The following XNDC1N variants were observed in gnomAD, a reference collection of about 807,000 sequenced individuals.
XNDC1N encodes the protein XRCC1 N-terminal domain containing 1, N-terminal like.
the XNDC1N span, chr11:71,914,370 T>C: frequency 4.4e-6 from 2 of 455,980 alleles, no homozygotes; most frequent in African/African-American, 4.0e-5. Flanking sequence ...TGGAGGAAAT[T>C]AACTGCAGAT....
the XNDC1N span, among the ~76,000 whole-genome samples, chr11:71,876,536 C>T: frequency 4.4e-4 from 67 of 152,148 alleles, no homozygotes; most frequent in Admixed American, 2.1e-3. Flanking sequence ...TCCAAGCCTG[C>T]CTCCTGGCTC....
At chr11:71,919,604 GGTTTTTTTTTTTGTTT>G in the XNDC1N span, among the ~76,000 whole-genome samples, 106,114 of 135,116 alleles carry the variant, frequency 0.79, 44,251 homozygotes, top group Non-Finnish European at 0.94. Context: ...TGGCCAGGTT[GGTTTTTTTTTTTGTTT>G]GTTTTTTTTT....
the XNDC1N span, among the ~76,000 whole-genome samples, chr11:71,913,665 T>TAAAAAAAAAAAAA: frequency 1.9e-4 from 20 of 105,332 alleles, no homozygotes; most frequent in East Asian, 2.7e-4. Context: ...TCTCAAAAGA[T>TAAAAAAAAAAAAA]AAAAAAAAAA....
At chr11:71,928,582 T>C in the XNDC1N span, 4 of 702,396 alleles carry the variant, frequency 5.7e-6, no homozygotes, top group East Asian at 2.7e-5. Context: ...GCCAGGAAAA[T>C]ACATTTCCGT....
the XNDC1N span, among the ~76,000 whole-genome samples, chr11:71,895,115 T>C: frequency 9.0e-4 from 1 of 1,112 alleles, no homozygotes; most frequent in East Asian, 0.17. Flanking sequence ...AGTGTGTGGA[T>C]TTTTTTTTTT....
the XNDC1N span, chr11:71,923,176 C>T: frequency 1.8e-5 from 12 of 662,044 alleles, no homozygotes; most frequent in African/African-American, 9.2e-5. Flanking sequence ...AGAGCTGTTT[C>T]TTCTCTTAGA....
chr11:71,885,431 G>T, the XNDC1N span, among the ~76,000 whole-genome samples: 1 of 152,154 alleles, frequency 6.6e-6, no homozygotes, highest in Non-Finnish European at 1.5e-5. Context: ...CACTTCCTGC[G>T]ATGTTGGGAG....
the XNDC1N span, among the ~76,000 whole-genome samples, chr11:71,890,899 T>G: frequency 1.3e-5 from 2 of 151,986 alleles, no homozygotes; most frequent in Non-Finnish European, 2.9e-5. Context: ...AAAATGTCAC[T>G]GGGGATGTGA....
the XNDC1N span, among the ~76,000 whole-genome samples, chr11:71,884,989 G>T: frequency 8.6e-5 from 13 of 151,874 alleles, no homozygotes; most frequent in Non-Finnish European, 1.8e-4. Flanking sequence ...AGCCCCTCTT[G>T]CCCCCCTGGT....
At chr11:71,900,228 A>T in the XNDC1N span, among the ~76,000 whole-genome samples, 4,390 of 149,656 alleles carry the variant, frequency 0.029, 57 homozygotes, top group East Asian at 0.076. Flanking sequence ...CTCAGAGGCC[A>T]GTGCCGGTGC....
chr11:71,878,528 T>G, the XNDC1N span: 1 of 1,606,536 alleles, frequency 6.2e-7, no homozygotes, highest in Non-Finnish European at 8.5e-7. Flanking sequence ...AGAAACTTTT[T>G]TATTCCAAAG....
chr11:71,897,425 A>G, the XNDC1N span, among the ~76,000 whole-genome samples: 6 of 152,260 alleles, frequency 3.9e-5, no homozygotes, highest in Non-Finnish European at 2.9e-5. Context: ...AGAAGACGCG[A>G]GTAGACGTGT....
chr11:71,928,388 C>T, the XNDC1N span: 4 of 685,324 alleles, frequency 5.8e-6, no homozygotes, highest in Admixed American at 6.2e-5. Context: ...CCTCGAGGAG[C>T]CACCGTTGCC....
At chr11:71,927,725 T>C in the XNDC1N span, 1 of 152,226 alleles carries the variant, frequency 6.6e-6, no homozygotes, top group Non-Finnish European at 1.5e-5. Flanking sequence ...TTGTATTATC[T>C]AGCTTTTAAA....
chr11:71,869,434 T>G, the XNDC1N span, among the ~76,000 whole-genome samples: 3 of 152,256 alleles, frequency 2.0e-5, no homozygotes, highest in Admixed American at 1.3e-4. Context: ...TGCCACATTT[T>G]CTTAATCCAA....
the XNDC1N span, among the ~76,000 whole-genome samples, chr11:71,870,705 AT>A: frequency 6.6e-6 from 1 of 152,220 alleles, no homozygotes; most frequent in Admixed American, 6.5e-5. Context: ...AAATAGTCCA[AT>A]TAAAAAATGG....
At chr11:71,902,436 C>G in the XNDC1N span, among the ~76,000 whole-genome samples, 6 of 152,190 alleles carry the variant, frequency 3.9e-5, no homozygotes, top group African/African-American at 1.4e-4. Flanking sequence ...AGTGATCCGC[C>G]CTCCTCGGCC....
the XNDC1N span, among the ~76,000 whole-genome samples, chr11:71,922,854 A>G: frequency 5.3e-4 from 81 of 152,212 alleles, no homozygotes; most frequent in African/African-American, 1.7e-3. Flanking sequence ...ACATCAGATC[A>G]GGCCTGGTCT....
the XNDC1N span, among the ~76,000 whole-genome samples, chr11:71,927,226 G>A: frequency 3.3e-5 from 5 of 152,026 alleles, no homozygotes; most frequent in Non-Finnish European, 7.4e-5. Context: ...CAGCCTGGGC[G>A]ACAGAGCCGG....
Sources: gnomAD v4.1 joint callset for allele counts (sites outside exome capture counted in the v4.1 genomes callset) on GRCh38, gnomAD v4.1.1 for gene constraint, MANE v1.5 for transcripts, NCBI Gene and HGNC (gene_info 2026-07-23, HGNC 2026-07-21) for gene names.